DRC8: variants seen among roughly 807,000 people sequenced by gnomAD.
The protein encoded by DRC8 is dynein regulatory complex protein 8.
chr1:244,975,824 C>T, the DRC8 span, among the ~76,000 whole-genome samples: 1 of 152,042 alleles, frequency 6.6e-6, no homozygotes, highest in Non-Finnish European at 1.5e-5. Context: ...CACACTACTG[C>T]ACTCCAGCCT....
At chr1:245,079,090 A>G in the DRC8 span, among the ~76,000 whole-genome samples, 3 of 152,222 alleles carry the variant, frequency 2.0e-5, no homozygotes, top group South Asian at 2.1e-4. Flanking sequence ...AAATCCTTTT[A>G]TAATATAAAA....
the DRC8 span, among the ~76,000 whole-genome samples, chr1:245,020,515 G>A: frequency 1.3e-5 from 2 of 151,830 alleles, no homozygotes; most frequent in Non-Finnish European, 2.9e-5. Flanking sequence ...CCCTTTCCGG[G>A]GTCTGTGAAG....
the DRC8 span, among the ~76,000 whole-genome samples, chr1:245,021,967 C>G: frequency 1.2e-4 from 19 of 152,096 alleles, no homozygotes; most frequent in African/African-American, 4.6e-4. Flanking sequence ...CCACACCTGG[C>G]TAGAACTTTT....
At chr1:245,115,547 C>T in the DRC8 span, among the ~76,000 whole-genome samples, 1 of 152,224 alleles carries the variant, frequency 6.6e-6, no homozygotes, top group African/African-American at 2.4e-5. Context: ...ACATGTAGGA[C>T]TCATTCATTC....
At chr1:245,056,500 T>C in the DRC8 span, among the ~76,000 whole-genome samples, 684 of 152,344 alleles carry the variant, frequency 4.5e-3, 1 homozygote, top group African/African-American at 0.015. Context: ...ACTTTCTCCT[T>C]ATCTGCTCTC....
chr1:245,115,887 CT>C, the DRC8 span, among the ~76,000 whole-genome samples: 4,116 of 144,918 alleles, frequency 0.028, 51 homozygotes, highest in South Asian at 0.054. Context: ...GATCCTATCT[CT>C]TTTTTTTTTT....
the DRC8 span, among the ~76,000 whole-genome samples, chr1:245,011,622 T>G: frequency 1.3e-5 from 2 of 152,238 alleles, no homozygotes; most frequent in African/African-American, 4.8e-5. Flanking sequence ...AGATTAGGGA[T>G]GGTTAACTTG....
the DRC8 span, chr1:244,970,114 T>C: frequency 1.2e-4 from 78 of 674,394 alleles, 3 homozygotes; most frequent in South Asian, 1.2e-3. Flanking sequence ...GACCGTGTGA[T>C]GAAGCAACAT....
At chr1:245,107,898 G>T in the DRC8 span, among the ~76,000 whole-genome samples, 1 of 152,028 alleles carries the variant, frequency 6.6e-6, no homozygotes, top group African/African-American at 2.4e-5. Context: ...TCCTCACCTC[G>T]TCACCGCTCT....
chr1:245,099,204 C>T, the DRC8 span, among the ~76,000 whole-genome samples: 1 of 152,198 alleles, frequency 6.6e-6, no homozygotes, highest in Non-Finnish European at 1.5e-5. Flanking sequence ...CTGAGCAGCC[C>T]TGTCCCCTCC....
At chr1:245,048,520 T>G in the DRC8 span, among the ~76,000 whole-genome samples, 3 of 152,104 alleles carry the variant, frequency 2.0e-5, no homozygotes, top group African/African-American at 7.2e-5. Flanking sequence ...TCTTGTTTTT[T>G]TTTTAAATAA....
chr1:245,101,382 T>C, the DRC8 span, among the ~76,000 whole-genome samples: 169 of 152,290 alleles, frequency 1.1e-3, 1 homozygote, highest in African/African-American at 3.6e-3. Context: ...AAATTGGCAA[T>C]TGGATCTAGA....
the DRC8 span, chr1:245,017,152 C>G: frequency 8.1e-7 from 1 of 1,227,346 alleles, no homozygotes; most frequent in East Asian, 2.5e-5. Context: ...CATATGCTTA[C>G]TTATTAAGAT....
At chr1:245,000,019 A>G in the DRC8 span, among the ~76,000 whole-genome samples, 2 of 152,142 alleles carry the variant, frequency 1.3e-5, no homozygotes, top group African/African-American at 4.8e-5. Flanking sequence ...GGGTTTCACC[A>G]TGTTGGCCAG....
At chr1:245,086,414 A>G in the DRC8 span, among the ~76,000 whole-genome samples, 15 of 152,290 alleles carry the variant, frequency 9.8e-5, no homozygotes, top group African/African-American at 3.6e-4. Context: ...TTTATGCTAT[A>G]TAACAATATG....
chr1:244,977,574 T>C, the DRC8 span, among the ~76,000 whole-genome samples: 4 of 152,294 alleles, frequency 2.6e-5, no homozygotes, highest in South Asian at 2.1e-4. Flanking sequence ...CTGTTGGCTT[T>C]GGAGCCCCCA....
At chr1:245,056,861 C>T in the DRC8 span, among the ~76,000 whole-genome samples, 870 of 137,968 alleles carry the variant, frequency 6.3e-3, 10 homozygotes, top group African/African-American at 0.022. Context: ...TGCTTGAACC[C>T]GGGAGATGGA....
chr1:244,984,650 C>A, the DRC8 span, among the ~76,000 whole-genome samples: 1 of 152,040 alleles, frequency 6.6e-6, no homozygotes, highest in Non-Finnish European at 1.5e-5. Context: ...GCCTGGCCAA[C>A]ACAGAGAAAC....
the DRC8 span, among the ~76,000 whole-genome samples, chr1:245,081,712 G>T: frequency 6.6e-6 from 1 of 151,740 alleles, no homozygotes; most frequent in Non-Finnish European, 1.5e-5. Flanking sequence ...CAAGTAATCT[G>T]CCTGCCTTGG....
Sources: allele counts gnomAD v4.1 joint callset (sites outside exome capture counted in the v4.1 genomes callset), GRCh38; gene constraint gnomAD v4.1.1; transcripts MANE v1.5; gene names NCBI Gene and HGNC (gene_info 2026-07-23, HGNC 2026-07-21).